The following TMEM255B variants were observed in gnomAD, a reference collection of about 807,000 sequenced individuals.
TMEM255B encodes the protein transmembrane protein 255B.
In TMEM255B, 35 loss-of-function variants were observed where a neutral mutation model predicts 34.5. That is an observed-to-expected ratio of 1.01 (90% CI 0.77 to 1.34). TMEM255B has a LOEUF of 1.34. Ranked by LOEUF, TMEM255B falls within the 40% of genes most tolerant of loss-of-function variation. The pLI is 0.00. For synonymous variants in TMEM255B, 206 were observed against 201.2 expected, an observed-to-expected ratio of 1.02 and a Z score of -0.20; for missense variants, 432 against 433.2, an observed-to-expected ratio of 1.00 and a Z score of 0.02.
chr13:113,798,823 G>A (rs572137400), intron 4 of TMEM255B, among the ~76,000 whole-genome samples: 1 of 152,216 alleles, frequency 6.6e-6, no homozygotes, highest in Non-Finnish European at 1.5e-5. Context: ...ATAGATAGAT[G>A]TAGAGGATGG....
At chr13:113,762,673 G>A (rs2050327835) in intron 1 of TMEM255B, among the ~76,000 whole-genome samples, 1 of 152,198 alleles carries the variant, frequency 6.6e-6, no homozygotes, top group Admixed American at 6.5e-5. Context: ...TTAGCCCAGT[G>A]GGTCTTGCTG....
chr13:113,761,298 G>T, intron 1 of TMEM255B: 4 of 985,264 alleles, frequency 4.1e-6, no homozygotes, highest in Non-Finnish European at 4.8e-6. Context: ...TAGAGGAAAT[G>T]GGTCTGAGGG....
At chr13:113,778,848 G>A (rs560344855) in intron 3 of TMEM255B, among the ~76,000 whole-genome samples, 3 of 152,322 alleles carry the variant, frequency 2.0e-5, no homozygotes, top group African/African-American at 4.8e-5. Context: ...AAACTGACCC[G>A]TAGAGAAACA....
intron 8 of TMEM255B, 79 bp downstream of exon 8, chr13:113,805,107 G>A: frequency 7.1e-7 from 1 of 1,407,420 alleles, no homozygotes; most frequent in East Asian, 2.8e-5. Context: ...TGGGGTCGGA[G>A]GGGATGAGGT....
chr13:113,807,159 AC>A, intron 8 of TMEM255B, among the ~76,000 whole-genome samples: 1 of 151,998 alleles, frequency 6.6e-6, no homozygotes, highest in East Asian at 1.9e-4. Flanking sequence ...CTGACTTGGG[AC>A]CTTGGAGACA....
At chr13:113,783,936 A>G (rs2138546181) in intron 3 of TMEM255B, among the ~76,000 whole-genome samples, 1 of 152,274 alleles carries the variant, frequency 6.6e-6, no homozygotes, top group East Asian at 1.9e-4. Context: ...AGCATGACAT[A>G]GGCAGGCCTG....
At position 113,814,027 on chromosome 13, in the gene TMEM255B, A is replaced by T. The variant is rs539683965; in HGVS notation, c.*2124A>T. The T allele has an allele frequency of 1.3e-5, 2 of 152,188 alleles. No homozygotes were observed. The highest frequency in any genetic ancestry group is 2.1e-4 in the South Asian group (1 of 4,822). 9.4% of individuals were successfully genotyped at this position (152,188 alleles called of 1,614,324 possible). A position where few individuals can be genotyped will look rare whatever the true frequency, so the allele number is the denominator to read the frequency against. ...CTCACGAGCGCCTGTGGGGGAAGAAAAGTGTGCCACGGATTTCCCGAGTCC... is the reference window on the plus strand; with the variant it reads ...CTCACGAGCGCCTGTGGGGGAAGAATAGTGTGCCACGGATTTCCCGAGTCC... On this transcript the variant is annotated 3_prime_UTR_variant, in exon 9 of 9. Coordinates refer to ENST00000375353, the MANE Select transcript of TMEM255B (RefSeq NM_182614.4).
intron 3 of TMEM255B, among the ~76,000 whole-genome samples, chr13:113,787,602 C>T (rs1023339628): frequency 6.6e-6 from 1 of 152,180 alleles, no homozygotes; most frequent in Admixed American, 6.5e-5. Flanking sequence ...GGCAGGTGTG[C>T]AGGTCAGACG....
intron 3 of TMEM255B, among the ~76,000 whole-genome samples, chr13:113,784,564 A>C (rs2138547086): frequency 6.6e-6 from 1 of 152,060 alleles, no homozygotes; most frequent in East Asian, 1.9e-4. Context: ...AAGGAGGAGA[A>C]GGGAGGAGGA....
rs373372958 is a variant in TMEM255B, at chr13:113,766,266, G to A, written c.189+9G>A. On this transcript the variant is annotated intron_variant, in intron 2 of 8. Transcript: ENST00000375353. Reference sequence around the variant, plus strand: ...ACTACCCAGGGATCATTGTGAGTGCGCCGGGCGGGCGGCCTGGGCCGGGGA... The same window carrying A: ...ACTACCCAGGGATCATTGTGAGTGCACCGGGCGGGCGGCCTGGGCCGGGGA... 28 of 1,613,738 alleles carry A rather than the reference G, an allele frequency of 1.7e-5. No homozygotes were observed. In the African/African-American group the frequency reaches 2.5e-4, roughly 15 times the overall value.
intron 7 of TMEM255B, among the ~76,000 whole-genome samples, chr13:113,802,246 G>C (rs964931205): frequency 2.0e-4 from 31 of 152,210 alleles, no homozygotes; most frequent in African/African-American, 7.0e-4. Context: ...AGGGAGGGAA[G>C]GGGCCCCTCG....
intron 8 of TMEM255B, among the ~76,000 whole-genome samples, chr13:113,809,131 G>C (rs1290728026): frequency 8.6e-6 from 1 of 116,084 alleles, no homozygotes; most frequent in Non-Finnish European, 1.8e-5. Flanking sequence ...TGTGGTTCCT[G>C]GGGGGAGGGG....
chr13:113,781,991 C>T (rs571736519), intron 3 of TMEM255B, among the ~76,000 whole-genome samples: 2 of 152,264 alleles, frequency 1.3e-5, no homozygotes, highest in Non-Finnish European at 2.9e-5. Flanking sequence ...CAGGCCTTAT[C>T]TAGAATTTAA....
At chr13:113,810,837 C>T (rs766663005) in intron 8 of TMEM255B, among the ~76,000 whole-genome samples, 9 of 152,252 alleles carry the variant, frequency 5.9e-5, no homozygotes, top group Non-Finnish European at 1.3e-4. Flanking sequence ...CACGGTGACA[C>T]TGAACCAGCC....
intron 2 of TMEM255B, among the ~76,000 whole-genome samples, chr13:113,767,819 GT>G (rs906379158): frequency 6.6e-6 from 1 of 152,146 alleles, no homozygotes; most frequent in African/African-American, 2.4e-5. Context: ...GAAAGGTGTG[GT>G]TTTTTTCAAA....
At chr13:113,766,077 G>T (rs1446973220) in intron 1 of TMEM255B, 38 bp from the exon 2 acceptor site, 1 of 1,611,560 alleles carries the variant, frequency 6.2e-7, no homozygotes, top group African/African-American at 1.3e-5. Flanking sequence ...TCCTGAGCCT[G>T]AGCCCTCACT....
rs2051166232 is a variant in TMEM255B at position 113,806,110 on chromosome 13, C to T, written c.813+1082C>T. Among the ~76,000 whole-genome samples the T allele has an allele frequency of 6.6e-6, 1 of 152,200 alleles. No homozygotes were observed. The highest frequency in any genetic ancestry group is 2.4e-5 in the African/African-American group (1 of 41,452). The stretch of plus-strand genomic sequence containing the variant: ...CATGACGTTGTCAGGAAAAGATCTT[C>T]CTTAGAGGGACATCCGGGGGAGGCC... On this transcript the variant is annotated intron_variant, in intron 8 of 8. Transcript: ENST00000375353. The surrounding 1 kb of genome is among the most constrained non-coding windows in gnomAD (Gnocchi z 4.2).
chr13:113,786,940 C>T (rs1310554950), intron 3 of TMEM255B, among the ~76,000 whole-genome samples: 2 of 152,208 alleles, frequency 1.3e-5, no homozygotes, highest in Non-Finnish European at 2.9e-5. Context: ...TCCAGGCTCA[C>T]TAGTTACACA....
rs1792897944 is a variant in TMEM255B, at chr13:113,801,738, T to G, written c.595T>G (p.Ser199Ala). The G allele has an allele frequency of 6.2e-7, 1 of 1,613,194 alleles. No homozygotes were observed. The highest frequency in any genetic ancestry group is 8.5e-7 in the Non-Finnish European group (1 of 1,179,750). Residue 199 changes from serine to alanine, a missense_variant, in exon 7 of 9, where the codon TCT (serine) becomes GCT (alanine). Coordinates refer to ENST00000375353, the MANE Select transcript of TMEM255B (RefSeq NM_182614.4). Reference protein sequence around the residue: ...VLHLYRLLWASAVLNVLGLFL... With the variant: ...VLHLYRLLWAAAVLNVLGLFL... ...GCACCTGTACCGCCTGCTCTGGGCC[T>G]CTGCAGTTCTGAACGTCCTGGGCCT...
Sources: gnomAD v4.1 joint callset for allele counts (sites outside exome capture counted in the v4.1 genomes callset) on GRCh38, gnomAD v4.1.1 for gene constraint, Gnocchi (gnomAD v3.1) non-coding constraint, MANE v1.5 for transcripts, NCBI Gene and HGNC (gene_info 2026-07-23, HGNC 2026-07-21) for gene names.